SLC45A4: variants seen among roughly 807,000 people sequenced by gnomAD.
The protein encoded by SLC45A4 is polyamine-transporter SLC45A4.
SLC45A4 carries 32 observed loss-of-function variants against 63.7 expected under a neutral mutation model. The ratio of observed to expected loss-of-function variants is 0.50; its 90% CI spans 0.38 to 0.67. SLC45A4 has a LOEUF of 0.67. SLC45A4 is among the 30% of genes least tolerant of loss of function. The pLI is 0.00. For missense variants in SLC45A4, 1,027 were observed against 1,157.7 expected, an observed-to-expected ratio of 0.89 and a Z score of 1.64; for synonymous variants, 535 against 510.0, an observed-to-expected ratio of 1.05 and a Z score of -0.66.
chr8:141,255,135 C>T (rs1029739662), intron 1 of SLC45A4, among the ~76,000 whole-genome samples: 6 of 152,194 alleles, frequency 3.9e-5, no homozygotes, highest in African/African-American at 1.4e-4. Flanking sequence ...CTCCGTTGCC[C>T]AGGCTGGAGT....
At chr8:141,299,339 C>T (rs1050102251) in intron 1 of SLC45A4, among the ~76,000 whole-genome samples, 2 of 152,242 alleles carry the variant, frequency 1.3e-5, no homozygotes, top group African/African-American at 4.8e-5. Context: ...CTCGACACCT[C>T]AATAGTTCAG....
At chr8:141,289,096 C>A (rs922658181) in intron 1 of SLC45A4, among the ~76,000 whole-genome samples, 1 of 152,116 alleles carries the variant, frequency 6.6e-6, no homozygotes, top group Non-Finnish European at 1.5e-5. Flanking sequence ...CAGCCAGGTG[C>A]GCGATGGAGT....
Position 141,254,372 on chromosome 8 carries a change from C to T in SLC45A4, c.-143G>A, listed in dbSNP as rs764901377. The T allele has an allele frequency of 3.7e-5, 36 of 960,518 alleles. No homozygotes were observed. The highest frequency in any genetic ancestry group is 4.7e-5 in the Non-Finnish European group (31 of 662,584). The allele number at this position is 960,518 out of a possible 1,614,324, so 59.5% of individuals were successfully genotyped here. On this transcript the variant is annotated 5_prime_UTR_variant, in exon 2 of 9. Coordinates refer to ENST00000517878, the MANE Select transcript of SLC45A4 (RefSeq NM_001286646.2). The surrounding 1 kb of genome is among the most constrained non-coding windows in gnomAD (Gnocchi z 4.5). The stretch of plus-strand genomic sequence containing the variant: ...CAGGTAACACTTACATTCCTCTTTG[C>T]ACAAGTGGCTATCTCACAACTTCTC...
Position 141,298,965 on chromosome 8 carries a change from C to T in SLC45A4, c.-401+9131G>A, listed in dbSNP as rs76672883. Among the ~76,000 whole-genome samples the T allele has an allele frequency of 8.6e-3, 1,309 of 152,280 alleles. 20 individuals are homozygous for T. Among genetic ancestry groups the T allele is most frequent in the African/African-American group, 0.03 (1,239 of 41,542 alleles). On this transcript the variant is annotated intron_variant, in intron 1 of 8. Coordinates refer to ENST00000517878, the MANE Select transcript of SLC45A4 (RefSeq NM_001286646.2). ...TGGCCCACAACTGCACTAGGCCGGC[C>T]GTATCCGGTGGCTCCTCTCCCTCAC...
At chr8:141,264,053 G>A (rs886794851) in intron 1 of SLC45A4, among the ~76,000 whole-genome samples, 1 of 152,186 alleles carries the variant, frequency 6.6e-6, no homozygotes, top group African/African-American at 2.4e-5. Context: ...CAGGTTCCTG[G>A]GTCCACAGCC....
At chr8:141,238,563 C>T (rs530812802) in intron 2 of SLC45A4, among the ~76,000 whole-genome samples, 16 of 152,276 alleles carry the variant, frequency 1.1e-4, no homozygotes, top group African/African-American at 3.9e-4. Flanking sequence ...TGGAATCACA[C>T]AGCTTTTCAC....
intron 1 of SLC45A4, among the ~76,000 whole-genome samples, chr8:141,293,514 T>A (rs183750884): frequency 2.6e-5 from 4 of 152,250 alleles, no homozygotes; most frequent in Admixed American, 2.6e-4. Context: ...CAGGGTGGAA[T>A]CCGCAAAGTT....
rs752045588 is a variant in SLC45A4, at chr8:141,218,073, T to G, written c.1567A>C (p.Ile523Leu). ...TCGGTGTAGAACACGGCCTCGGCGA[T>G]GACAGAGAACCAGGTGAGGAGGTGG... ...LCHLLTWFSV[I>L]AEAVFYTDFM... The change falls in exon 5 of 9, where the codon ATC becomes CTC. Residue 523 changes from isoleucine to leucine, a missense_variant. Coordinates refer to ENST00000517878, the MANE Select transcript of SLC45A4 (RefSeq NM_001286646.2). 1 of 1,612,872 alleles carries G rather than the reference T, an allele frequency of 6.2e-7. No homozygotes were observed. The highest frequency in any genetic ancestry group is 8.5e-7 in the Non-Finnish European group (1 of 1,179,966).
chr8:141,233,971 C>G (rs147144923), intron 2 of SLC45A4, among the ~76,000 whole-genome samples: 201 of 152,352 alleles, frequency 1.3e-3, no homozygotes, highest in Middle Eastern at 0.01. Flanking sequence ...CTACCATCTA[C>G]TAGCTCTGTT....
At position 141,212,072 on chromosome 8, in the gene SLC45A4, C is replaced by G. The variant is rs865874090; in HGVS notation, c.2301+125G>C. ...GCGGAGGGGCTCTGGCCCGCACTGC[C>G]GGGTCGGCCACAGCATCTGCAGGGT... On this transcript the variant is annotated intron_variant, in intron 8 of 8. Transcript: ENST00000517878. The G allele has an allele frequency of 4.3e-6, 6 of 1,409,716 alleles. No individual in the cohort carries two copies. The East Asian group carries it at 1.3e-4, about 31-fold the overall frequency. 87.3% of individuals were successfully genotyped at this position (1,409,716 alleles called of 1,614,324 possible). A position where few individuals can be genotyped will look rare whatever the true frequency, so the allele number is the denominator to read the frequency against.
intron 1 of SLC45A4, among the ~76,000 whole-genome samples, chr8:141,274,984 T>C (rs1005932190): frequency 1.1e-4 from 16 of 152,250 alleles, no homozygotes; most frequent in African/African-American, 3.6e-4. Flanking sequence ...GAACGGCCAC[T>C]TTCTCTTCGT....
At chr8:141,304,586 G>A (rs1830845505) in intron 1 of SLC45A4, among the ~76,000 whole-genome samples, 1 of 149,238 alleles carries the variant, frequency 6.7e-6, no homozygotes, top group African/African-American at 2.5e-5. Context: ...GGGGGAGAGA[G>A]AGAACTTCCT....
chr8:141,232,392 A>G (rs1284175060), intron 2 of SLC45A4, among the ~76,000 whole-genome samples: 1 of 152,216 alleles, frequency 6.6e-6, no homozygotes, highest in East Asian at 1.9e-4. Context: ...ACCCTTATAT[A>G]CTGCTGTTTG....
At chr8:141,242,488 A>T (rs1827961906) in intron 2 of SLC45A4, among the ~76,000 whole-genome samples, 1 of 152,216 alleles carries the variant, frequency 6.6e-6, no homozygotes, top group South Asian at 2.1e-4. Context: ...CGCGGGCTCC[A>T]GTATCAGAAA....
Position 141,247,547 on chromosome 8 carries a change from G to A in SLC45A4, c.241+6442C>T, listed in dbSNP as rs140214384. Reference sequence around the variant, plus strand: ...TTGATAACTCTAAAATTTATATGGAGATGTGAAAGAACTGCAACAGCCAAA... The same window carrying A: ...TTGATAACTCTAAAATTTATATGGAAATGTGAAAGAACTGCAACAGCCAAA... On this transcript the variant is annotated intron_variant, in intron 2 of 8. Coordinates refer to ENST00000517878, the MANE Select transcript of SLC45A4 (RefSeq NM_001286646.2). Among the ~76,000 whole-genome samples, 29 of 152,304 alleles carry A rather than the reference G, an allele frequency of 1.9e-4. No homozygotes were observed. In the East Asian group the frequency reaches 5.6e-3, roughly 29 times the overall value.
chr8:141,234,773 C>T (rs1827535673), intron 2 of SLC45A4, among the ~76,000 whole-genome samples: 1 of 152,164 alleles, frequency 6.6e-6, no homozygotes, highest in Non-Finnish European at 1.5e-5. Flanking sequence ...TCTCGACTGG[C>T]ACAGGAAAGC....
rs544397149 is a variant in SLC45A4, at chr8:141,231,115, C to T, written c.242-9350G>A. ...GTGTGGGAGAAGCCACATTCGGTCA[C>T]GTTTCTAGGGCTTAAGGTCACCCCG... On this transcript the variant is annotated intron_variant, in intron 2 of 8. Coordinates refer to ENST00000517878, the MANE Select transcript of SLC45A4 (RefSeq NM_001286646.2). Among the ~76,000 whole-genome samples, 18 of 152,334 alleles carry T rather than the reference C, an allele frequency of 1.2e-4. 1 individual carries two copies. In the South Asian group the frequency reaches 1.5e-3, roughly 12 times the overall value.
chr8:141,217,196 C>G lies in SLC45A4; in HGVS notation c.1630-7G>C. The G allele has an allele frequency of 6.2e-7, 1 of 1,613,270 alleles. No homozygotes were observed. Among genetic ancestry groups the G allele is most frequent in the Non-Finnish European group, 8.5e-7 (1 of 1,179,880 alleles). ...CGGTCGAGTTCGAGGGGGCCTGTTC[C>G]GGAAATGAGACGGGGGCTGACGAGG... On this transcript the variant is annotated splice_polypyrimidine_tract_variant and splice_region_variant and intron_variant, in intron 5 of 8. Coordinates refer to ENST00000517878, the MANE Select transcript of SLC45A4 (RefSeq NM_001286646.2).
Position 141,219,793 on chromosome 8 carries a change from A to T in SLC45A4, c.467T>A (p.Ile156Asn). The T allele has an allele frequency of 6.3e-7, 1 of 1,592,172 alleles. No individual in the cohort carries two copies. The highest frequency in any genetic ancestry group is 8.5e-7 in the Non-Finnish European group (1 of 1,170,284). Residue 156 changes from isoleucine (I) to asparagine (N), a missense_variant, in exon 4 of 9, where the codon ATT becomes AAT. Ile to Asn is a moderately radical substitution (Grantham distance 149). Coordinates refer to ENST00000517878, the MANE Select transcript of SLC45A4 (RefSeq NM_001286646.2). Reference sequence around the variant, plus strand: ...TCCCAGCACCGTGAGCACGATGCCAATGGGCTGCCGGTTGGGGACATCGCC... The same window carrying T: ...TCCCAGCACCGTGAGCACGATGCCATTGGGCTGCCGGTTGGGGACATCGCC... ...ALGDVPNRQPIGIVLTVLGVV... is the reference protein window; with the variant it reads ...ALGDVPNRQPNGIVLTVLGVV...
Sources: allele counts gnomAD v4.1 joint callset (sites outside exome capture counted in the v4.1 genomes callset), GRCh38; gene constraint gnomAD v4.1.1; non-coding constraint Gnocchi (gnomAD v3.1); transcripts MANE v1.5; gene names NCBI Gene and HGNC (gene_info 2026-07-23, HGNC 2026-07-21).